The following MYO16 variants were observed in gnomAD, a reference collection of about 807,000 sequenced individuals.
MYO16 encodes the protein unconventional myosin-XVI.
Under a neutral mutation model 205.3 loss-of-function variants are expected in MYO16, and 94 were observed. The ratio of observed to expected loss-of-function variants is 0.46; its 90% CI spans 0.39 to 0.54. The LOEUF is 0.54. Ranked by LOEUF, MYO16 falls within the 20% of genes least tolerant of loss-of-function variation. The pLI is 0.00. For synonymous variants in MYO16, 988 were observed against 954.0 expected (o/e 1.04, Z -0.66); for missense variants, 2,315 against 2,387.5 (o/e 0.97, Z 0.63).
the MYO16 span, among the ~76,000 whole-genome samples, chr13:108,574,702 T>C: frequency 2.2e-5 from 3 of 135,898 alleles, no homozygotes; most frequent in Admixed American, 6.9e-5. Flanking sequence ...TGTGTGTGTG[T>C]GTGTGTGCGC....
chr13:108,520,717 A>C, the MYO16 span, among the ~76,000 whole-genome samples: 233 of 152,358 alleles, frequency 1.5e-3, 2 homozygotes, highest in African/African-American at 5.5e-3. Flanking sequence ...GTATGGATGC[A>C]TACAATTTAA....
chr13:109,108,391 C>T (rs1160293379), intron 28 of MYO16, among the ~76,000 whole-genome samples: 2 of 152,172 alleles, frequency 1.3e-5, no homozygotes, highest in African/African-American at 4.8e-5. Flanking sequence ...CATTTTTTCA[C>T]TCAGCTTCAT....
chr13:108,611,976 T>G (rs970781586), intron 1 of MYO16, among the ~76,000 whole-genome samples: 1 of 82,346 alleles, frequency 1.2e-5, no homozygotes, highest in Non-Finnish European at 2.9e-5. Context: ...TTTTTTCTTT[T>G]TTTTTTTTTT....
At chr13:108,952,153 A>G (rs1566429128) in intron 16 of MYO16, among the ~76,000 whole-genome samples, 1 of 151,582 alleles carries the variant, frequency 6.6e-6, no homozygotes, top group Non-Finnish European at 1.5e-5. Flanking sequence ...AAATAAATAA[A>G]TAAATAAAAC....
chr13:108,661,107 G>T (rs116046854), intron 1 of MYO16, among the ~76,000 whole-genome samples: 1,802 of 152,230 alleles, frequency 0.012, 36 homozygotes, highest in African/African-American at 0.041. Context: ...GCTGAAGATA[G>T]GTCCCCAAGC....
At chr13:108,810,533 T>C (rs1887257564) in intron 7 of MYO16, among the ~76,000 whole-genome samples, 3 of 152,130 alleles carry the variant, frequency 2.0e-5, no homozygotes. Flanking sequence ...CCAAGAAAAA[T>C]AGTATATGAC....
chr13:108,892,588 C>G (rs1271301777), intron 14 of MYO16, among the ~76,000 whole-genome samples: 1 of 152,136 alleles, frequency 6.6e-6, no homozygotes, highest in Non-Finnish European at 1.5e-5. Flanking sequence ...AATAGCATAA[C>G]CTATCTTCTT....
intron 4 of MYO16, among the ~76,000 whole-genome samples, chr13:108,746,386 T>A (rs10492416): frequency 6.6e-6 from 1 of 151,984 alleles, no homozygotes; most frequent in Non-Finnish European, 1.5e-5. Flanking sequence ...GTTTGACATG[T>A]GTAATGGGAG....
the MYO16 span, among the ~76,000 whole-genome samples, chr13:108,568,483 T>C: frequency 6.6e-6 from 1 of 152,132 alleles, no homozygotes; most frequent in East Asian, 1.9e-4. Flanking sequence ...GCTGTTTGTA[T>C]ATCTTCTTTG....
At chr13:108,990,530 A>G (rs79519850) in intron 20 of MYO16, among the ~76,000 whole-genome samples, 21,714 of 152,132 alleles carry the variant, frequency 0.14, 1,633 homozygotes, top group East Asian at 0.2. Context: ...AAAAAATTGC[A>G]TTTGTTTTCT....
At chr13:109,171,579 G>A (rs1279797126) in intron 33 of MYO16, among the ~76,000 whole-genome samples, 3 of 152,142 alleles carry the variant, frequency 2.0e-5, no homozygotes, top group African/African-American at 7.2e-5. Context: ...TGATGCGAGC[G>A]CAGACTTGGA....
chr13:108,525,581 G>A, the MYO16 span, among the ~76,000 whole-genome samples: 1 of 152,156 alleles, frequency 6.6e-6, no homozygotes, highest in African/African-American at 2.4e-5. Context: ...TCGTTACAAT[G>A]TTTAGGGGGC....
intron 23 of MYO16, among the ~76,000 whole-genome samples, chr13:109,029,765 T>C (rs1195226059): frequency 1.3e-5 from 2 of 152,228 alleles, no homozygotes; most frequent in Admixed American, 1.3e-4. Context: ...ACTAGGCTCC[T>C]GGTGTTCCAC....
At chr13:108,889,080 G>A (rs1383432558) in intron 14 of MYO16, among the ~76,000 whole-genome samples, 2 of 152,004 alleles carry the variant, frequency 1.3e-5, no homozygotes, top group Non-Finnish European at 2.9e-5. Flanking sequence ...AAAAGAAAGT[G>A]CACTTTGGTG....
chr13:108,950,901 A>G (rs929386619), intron 16 of MYO16, among the ~76,000 whole-genome samples: 1 of 152,208 alleles, frequency 6.6e-6, no homozygotes, highest in Non-Finnish European at 1.5e-5. Context: ...ATGAATCCAC[A>G]GAAAACTGTG....
intron 10 of MYO16, among the ~76,000 whole-genome samples, chr13:108,853,890 A>G (rs1460566179): frequency 1.3e-5 from 2 of 152,018 alleles, no homozygotes; most frequent in Non-Finnish European, 2.9e-5. Context: ...CATTCTAACT[A>G]GAGTTCATAA....
chr13:108,899,331 G>C (rs1262951925), intron 15 of MYO16, among the ~76,000 whole-genome samples: 1 of 146,982 alleles, frequency 6.8e-6, no homozygotes, highest in African/African-American at 2.7e-5. Context: ...GCTGAGACAG[G>C]AGAATCACTT....
At chr13:108,853,049 T>C (rs1877966099) in intron 10 of MYO16, among the ~76,000 whole-genome samples, 1 of 152,210 alleles carries the variant, frequency 6.6e-6, no homozygotes, top group Non-Finnish European at 1.5e-5. Context: ...GACCTGAATT[T>C]GTGTGACCGA....
chr13:109,184,963 CG>C (rs1879623747), intron 34 of MYO16, among the ~76,000 whole-genome samples: 1 of 151,990 alleles, frequency 6.6e-6, no homozygotes, highest in African/African-American at 2.4e-5. Context: ...TCAGTAGAGA[CG>C]GGGTTTCACC....
Sources: gnomAD v4.1 joint callset for allele counts (sites outside exome capture counted in the v4.1 genomes callset) on GRCh38, gnomAD v4.1.1 for gene constraint, MANE v1.5 for transcripts, NCBI Gene and HGNC (gene_info 2026-07-23, HGNC 2026-07-21) for gene names.